The following LHPP variants were observed in gnomAD, a reference collection of about 807,000 sequenced individuals.
LHPP encodes phospholysine phosphohistidine inorganic pyrophosphate phosphatase, also known as hLHPP.
LHPP carries 24 observed loss-of-function variants against 30.3 expected under a neutral mutation model. The observed-to-expected ratio is 0.79, with a 90% CI of 0.57 to 1.11. The LOEUF (loss-of-function observed/expected upper bound fraction) is 1.11, where lower values mean the gene tolerates loss of function less well. Ranked by LOEUF, LHPP falls within the 50% of genes most tolerant of loss-of-function variation. The probability of loss-of-function intolerance (pLI) is 0.00; values close to 1 mark genes in which losing one functional copy is unlikely to be tolerated. For synonymous variants in LHPP, 150 were observed against 157.1 expected, an observed-to-expected ratio of 0.95 and a Z score of 0.34; for missense variants, 356 against 367.2, an observed-to-expected ratio of 0.97 and a Z score of 0.25.
intron 5 of LHPP, among the ~76,000 whole-genome samples, chr10:124,515,994 C>CCTGTCCTG (rs754918164): frequency 2.0e-5 from 3 of 152,190 alleles, no homozygotes; most frequent in African/African-American, 4.8e-5. Flanking sequence ...GTCCTGTGGA[C>CCTGTCCTG]TCTGCTCCTG....
chr10:124,591,436 C>T (rs1948881280), intron 6 of LHPP, among the ~76,000 whole-genome samples: 1 of 152,110 alleles, frequency 6.6e-6, no homozygotes, highest in Non-Finnish European at 1.5e-5. Context: ...TGACCCCTAC[C>T]CCTGGGCTGT....
At chr10:124,530,544 ACACAC>A (rs758427328) in intron 6 of LHPP, among the ~76,000 whole-genome samples, 3 of 151,426 alleles carry the variant, frequency 2.0e-5, no homozygotes, top group East Asian at 2.0e-4. Flanking sequence ...ACACACACAC[ACACAC>A]ATATACATAC....
At chr10:124,572,093 GC>G (rs1252516100) in intron 6 of LHPP, among the ~76,000 whole-genome samples, 1 of 152,148 alleles carries the variant, frequency 6.6e-6, no homozygotes, top group East Asian at 1.9e-4. Flanking sequence ...GCAGGGAGAG[GC>G]CAGGGCTGGC....
chr10:124,463,888 C>G (rs1386842427), intron 1 of LHPP, among the ~76,000 whole-genome samples: 1 of 147,820 alleles, frequency 6.8e-6, no homozygotes, highest in East Asian at 2.0e-4. Context: ...GTGGTTCAAT[C>G]TCACTGCAAC....
intron 6 of LHPP, among the ~76,000 whole-genome samples, chr10:124,577,688 G>C (rs1460705173): frequency 6.6e-6 from 1 of 152,036 alleles, no homozygotes; most frequent in Non-Finnish European, 1.5e-5. Context: ...ATGCACACAT[G>C]TGTAAATACA....
intron 6 of LHPP, among the ~76,000 whole-genome samples, chr10:124,549,386 C>T (rs764775511): frequency 2.0e-4 from 31 of 151,938 alleles, no homozygotes; most frequent in Non-Finnish European, 2.9e-4. Context: ...CATGATTACA[C>T]CTGTGAGTAG....
intron 6 of LHPP, among the ~76,000 whole-genome samples, chr10:124,582,975 G>C (rs974039063): frequency 1.3e-5 from 2 of 152,300 alleles, no homozygotes; most frequent in Middle Eastern, 3.4e-3. Context: ...AGAAGAGGAG[G>C]GTTGGTCTTG....
chr10:124,574,557 C>T (rs1387944020), intron 6 of LHPP, among the ~76,000 whole-genome samples: 2 of 152,148 alleles, frequency 1.3e-5, no homozygotes, highest in East Asian at 1.9e-4. Flanking sequence ...CGATCTGAAC[C>T]CGGCACCTGT....
intron 6 of LHPP, among the ~76,000 whole-genome samples, chr10:124,599,822 T>C (rs1948998699): frequency 6.6e-6 from 1 of 152,196 alleles, no homozygotes; most frequent in Admixed American, 6.5e-5. Flanking sequence ...AGCCATCCAC[T>C]CTGGGGGTGC....
chr10:124,558,815 C>G (rs1266801072), intron 6 of LHPP, among the ~76,000 whole-genome samples: 1 of 152,262 alleles, frequency 6.6e-6, no homozygotes, highest in African/African-American at 2.4e-5. Flanking sequence ...GCCATCCGAG[C>G]AGGCCCCTGC....
intron 6 of LHPP, chr10:124,605,116 G>A (rs1949074844): frequency 6.6e-6 from 1 of 152,350 alleles, no homozygotes; most frequent in African/African-American, 2.4e-5. Context: ...CCTTCGATTG[G>A]TACAAAGACT....
chr10:124,611,282 AG>A (rs1049635442), intron 6 of LHPP, among the ~76,000 whole-genome samples: 3 of 152,066 alleles, frequency 2.0e-5, no homozygotes, highest in African/African-American at 7.3e-5. Context: ...GGCTGGGAGT[AG>A]AACTCAGTCA....
intron 5 of LHPP, among the ~76,000 whole-genome samples, chr10:124,509,989 C>G (rs994264350): frequency 6.6e-6 from 1 of 152,086 alleles, no homozygotes; most frequent in Non-Finnish European, 1.5e-5. Context: ...CAGGCAGATG[C>G]GTAAGAGGGA....
intron 6 of LHPP, 80 bp from the exon 7 acceptor site, chr10:124,613,184 T>C: frequency 9.3e-7 from 1 of 1,075,946 alleles, no homozygotes; most frequent in Non-Finnish European, 1.4e-6. Context: ...GCCAGGCCCA[T>C]GTTAGATGCT....
intron 4 of LHPP, among the ~76,000 whole-genome samples, chr10:124,497,599 C>T (rs761274674): frequency 2.6e-4 from 40 of 152,244 alleles, no homozygotes; most frequent in Non-Finnish European, 5.3e-4. Context: ...CTCACAGCTG[C>T]AGCCCCTCCT....
intron 6 of LHPP, among the ~76,000 whole-genome samples, chr10:124,533,923 CAG>C (rs1405259029): frequency 6.6e-6 from 1 of 152,214 alleles, no homozygotes; most frequent in Non-Finnish European, 1.5e-5. Context: ...GGGAGTGACA[CAG>C]GGGCTCAGGG....
At chr10:124,606,492 G>A (rs2134017139) in intron 6 of LHPP, among the ~76,000 whole-genome samples, 1 of 68,114 alleles carries the variant, frequency 1.5e-5, no homozygotes, top group East Asian at 4.2e-4. Context: ...GAGGTGGGAG[G>A]GGGCAGGGCC....
rs771466873 is a variant in LHPP at position 124,488,406 on chromosome 10, C to G, written c.314-16C>G. The G allele has an allele frequency of 2.4e-5, 38 of 1,612,994 alleles. No individual in the cohort carries two copies. In the East Asian group the frequency reaches 7.4e-4, roughly 31 times the overall value. ...CCCAGGGCTCCGTGGCACTCTGTCT[C>G]TCTCTCTCTTTCCAGGAGTCCGCTC... On this transcript the variant is annotated splice_polypyrimidine_tract_variant and intron_variant, in intron 2 of 6. Transcript: ENST00000368842.
In LHPP at chr10:124,596,463, G is replaced by C. The variant is rs1793876654; in HGVS notation, c.717-16801G>C. ...GCCATTCAGGTGGACGTGGAGCGGTGTCATTTCCTTCCTGAGGGGCCTGCA... is the reference window on the plus strand; with the variant it reads ...GCCATTCAGGTGGACGTGGAGCGGTCTCATTTCCTTCCTGAGGGGCCTGCA... On this transcript the variant is annotated intron_variant, in intron 6 of 6. Transcript: ENST00000368842. The surrounding 1 kb of genome is among the most constrained non-coding windows in gnomAD (Gnocchi z 4.6). Among the ~76,000 whole-genome samples, 1 of 152,202 alleles carries C rather than the reference G, an allele frequency of 6.6e-6. No homozygotes were observed. Among genetic ancestry groups the C allele is most frequent in the Admixed American group, 6.5e-5 (1 of 15,278 alleles).
Sources: allele counts gnomAD v4.1 joint callset (sites outside exome capture counted in the v4.1 genomes callset), GRCh38; gene constraint gnomAD v4.1.1; non-coding constraint Gnocchi (gnomAD v3.1); transcripts MANE v1.5; gene names NCBI Gene and HGNC (gene_info 2026-07-23, HGNC 2026-07-21).